The following C6 variants were observed in gnomAD, a reference collection of about 807,000 sequenced individuals.
C6 encodes the protein complement C6.
A neutral mutation model predicts 112.9 loss-of-function variants in C6; 101 were observed. That is an observed-to-expected ratio of 0.89 (90% CI 0.76 to 1.06). The LOEUF (loss-of-function observed/expected upper bound fraction) is 1.06. C6 is among the 50% of genes least tolerant of loss of function. The pLI, the probability that C6 is intolerant of heterozygous loss-of-function variation, is 0.00. For missense variants in C6, 1,202 were observed against 1,104.6 expected (o/e 1.09, Z -1.25); for synonymous variants, 431 against 384.1 (o/e 1.12, Z -1.43).
chr5:41,160,345 A>G lies in C6; in HGVS notation c.1481T>C (p.Val494Ala), dbSNP rs781618476. ...DFELAPIVDL[V>A]RNIPCAVTKR... is the part of the protein sequence containing the mutation. Reference sequence around the variant, plus strand: ...TGTCACTGCACAGGGGATGTTTCTTACCAAGTCCACGATGGGGGCAAGCTA... The same window carrying G: ...TGTCACTGCACAGGGGATGTTTCTTGCCAAGTCCACGATGGGGGCAAGCTA... Residue 494 changes from valine (V) to alanine (A), a missense_variant, in exon 11 of 18, where the codon GTA (valine) becomes GCA (alanine). By Grantham distance (64) the Val-to-Ala change is moderately conservative (BLOSUM62 0). Transcript: ENST00000337836. 6.2e-7 allele frequency: 1 copy of G among 1,613,738 alleles called. No individual in the cohort carries two copies.
upstream of C6, among the ~76,000 whole-genome samples, chr5:41,215,353 A>C (rs1752163089): frequency 6.6e-6 from 1 of 152,120 alleles, no homozygotes; most frequent in Non-Finnish European, 1.5e-5. Context: ...TGGCTTTGGG[A>C]AGTAGAAGTA....
chr5:41,234,344 T>A (rs1740103262), intron 1 of C6, among the ~76,000 whole-genome samples: 1 of 138,736 alleles, frequency 7.2e-6, no homozygotes, highest in South Asian at 2.2e-4. Flanking sequence ...TTTCGTTTTT[T>A]TTTTTGTTTT....
intron 1 of C6, among the ~76,000 whole-genome samples, chr5:41,257,651 C>A (rs958657560): frequency 2.0e-5 from 3 of 152,178 alleles, no homozygotes; most frequent in Non-Finnish European, 4.4e-5. Context: ...TAGAAGCCAT[C>A]GGAATAGAAA....
chr5:41,228,647 A>T (rs138409709), intron 1 of C6, among the ~76,000 whole-genome samples: 1 of 152,108 alleles, frequency 6.6e-6, no homozygotes, highest in African/African-American at 2.4e-5. Context: ...TAATTCATTG[A>T]CACTTTTTTA....
At chr5:41,154,024 T>C (rs1746662926) in intron 14 of C6, 26 bp from the exon 15 acceptor site, 1 of 1,607,776 alleles carries the variant, frequency 6.2e-7, no homozygotes, top group Non-Finnish European at 8.5e-7. Context: ...ATTTCATATG[T>C]GTTTAGTGGA....
At position 41,160,186 on chromosome 5, in the gene C6, G is replaced by T. The variant is rs766846275; in HGVS notation, c.1640C>A (p.Thr547Asn). Residue 547 changes from threonine to asparagine, a missense_variant, in exon 11 of 18, where the codon ACC (threonine) becomes AAC (asparagine). By Grantham distance (65) the Thr-to-Asn change is moderately conservative. Coordinates refer to ENST00000337836, the MANE Select transcript of C6 (RefSeq NM_000065.5). ...TECLCVCQSG[T>N]YGENCEKQSP... ...CTGTTTCTCACAGTTCTCACCATAGGTGCCACTCTGACACACACACAGACA... is the reference window on the plus strand; with the variant it reads ...CTGTTTCTCACAGTTCTCACCATAGTTGCCACTCTGACACACACACAGACA... 6.2e-7 allele frequency: 1 copy of T among 1,613,840 alleles called. No homozygotes were observed. Among genetic ancestry groups the T allele is most frequent in the Non-Finnish European group, 8.5e-7 (1 of 1,179,802 alleles).
At chr5:41,209,373 C>A (rs1751707754) in intron 1 of C6, among the ~76,000 whole-genome samples, 1 of 152,048 alleles carries the variant, frequency 6.6e-6, no homozygotes, top group Non-Finnish European at 1.5e-5. Flanking sequence ...CTGGCCAGGG[C>A]AATCAGGCAG....
chr5:41,164,385 A>T (rs564710887), intron 9 of C6, among the ~76,000 whole-genome samples: 4 of 152,158 alleles, frequency 2.6e-5, no homozygotes, highest in Admixed American at 6.6e-5. Flanking sequence ...GCATGGGCAC[A>T]CCATGGGCAA....
At chr5:41,241,248 G>A (rs1200660779) in intron 1 of C6, among the ~76,000 whole-genome samples, 3 of 152,212 alleles carry the variant, frequency 2.0e-5, no homozygotes, top group African/African-American at 7.2e-5. Flanking sequence ...GTCTAGGTAG[G>A]TGGCTCTCAG....
chr5:41,166,384 C>T (rs1747976717), intron 9 of C6, among the ~76,000 whole-genome samples: 1 of 152,000 alleles, frequency 6.6e-6, no homozygotes, highest in African/African-American at 2.4e-5. Context: ...CCTCTGTGTC[C>T]TCATCTATAA....
At chr5:41,235,439 G>A (rs899781003) in intron 1 of C6, among the ~76,000 whole-genome samples, 12 of 142,394 alleles carry the variant, frequency 8.4e-5, no homozygotes, top group African/African-American at 2.9e-4. Context: ...GTATTCCATG[G>A]TGTATATGTG....
At chr5:41,248,979 A>G (rs1447540064) in intron 1 of C6, among the ~76,000 whole-genome samples, 5 of 152,214 alleles carry the variant, frequency 3.3e-5, no homozygotes, top group Non-Finnish European at 5.9e-5. Flanking sequence ...AGTCATAAAA[A>G]AGAACAAAAT....
At chr5:41,156,339 G>T (rs1177775426) in intron 13 of C6, among the ~76,000 whole-genome samples, 1 of 152,000 alleles carries the variant, frequency 6.6e-6, no homozygotes, top group African/African-American at 2.4e-5. Flanking sequence ...CGTCCTTTCA[G>T]TTCTGAGGGA....
chr5:41,185,571 CAAAT>C (rs1749702656), intron 6 of C6, among the ~76,000 whole-genome samples: 1 of 152,146 alleles, frequency 6.6e-6, no homozygotes, highest in African/African-American at 2.4e-5. Context: ...CTAAAAGAAA[CAAAT>C]AAACCAAACC....
chr5:41,197,123 T>A (rs916864227), intron 4 of C6, among the ~76,000 whole-genome samples: 1 of 152,292 alleles, frequency 6.6e-6, no homozygotes, highest in Admixed American at 6.5e-5. Flanking sequence ...TTGAATTAAT[T>A]TTTTTAATTA....
chr5:41,246,970 T>C (rs375864926), intron 1 of C6, among the ~76,000 whole-genome samples: 1 of 152,232 alleles, frequency 6.6e-6, no homozygotes, highest in Non-Finnish European at 1.5e-5. Flanking sequence ...TGTGCAATAA[T>C]GACAGATATC....
intron 1 of C6, among the ~76,000 whole-genome samples, chr5:41,248,916 T>A (rs11955232): frequency 0.01 from 1,527 of 152,220 alleles, 33 homozygotes; most frequent in African/African-American, 0.035. Context: ...ATGGAATGAA[T>A]CTAGGTGGTC....
chr5:41,181,513 A>C lies in C6; in HGVS notation c.773T>G (p.Leu258Ter), dbSNP rs1403240208. The change falls in exon 7 of 18, where the codon TTA becomes TGA. Residue 258 changes from leucine (L) to a stop codon, truncating the protein, a stop_gained. Transcript: ENST00000337836. LOFTEE classifies it high-confidence loss of function. ...ATTTTCATTGTGTCCAAGAGAAGTT[A>C]AATCCTTGTAGAAATCTGTTTTCAA... ...DDLKTDFYKD[L>*]TSLGHNENQQ... is the part of the protein sequence containing the mutation. 6.2e-7 allele frequency: 1 copy of C among 1,613,710 alleles called. No homozygotes were observed. The highest frequency in any genetic ancestry group is 8.5e-7 in the Non-Finnish European group (1 of 1,179,790).
At position 41,158,623 on chromosome 5, in the gene C6, T is replaced by A. The variant is rs747074160; in HGVS notation, c.1968+51A>T. On this transcript the variant is annotated intron_variant, in intron 13 of 17. Coordinates refer to ENST00000337836, the MANE Select transcript of C6 (RefSeq NM_000065.5). Reference sequence around the variant, plus strand: ...ACTCTAATTAAAAGACAAGCTATACTTTTCGAGGTTTTTAAAACTACAAAC... The same window carrying A: ...ACTCTAATTAAAAGACAAGCTATACATTTCGAGGTTTTTAAAACTACAAAC... The A allele has an allele frequency of 3.2e-6, 3 of 935,088 alleles. No individual in the cohort carries two copies. The African/African-American group carries it at 4.8e-5, about 15-fold the overall frequency. 57.9% of individuals were successfully genotyped at this position (935,088 alleles called of 1,614,324 possible).
Sources: gnomAD v4.1 joint callset for allele counts (sites outside exome capture counted in the v4.1 genomes callset) on GRCh38, gnomAD v4.1.1 for gene constraint, MANE v1.5 for transcripts, NCBI Gene and HGNC (gene_info 2026-07-23, HGNC 2026-07-21) for gene names.